Variants in SENP5 observed in about 807,000 individuals in gnomAD.
SENP5 encodes the protein sentrin-specific protease 5.
A neutral mutation model predicts 74.2 loss-of-function variants in SENP5; 21 were observed. That is an observed-to-expected ratio of 0.28 (90% confidence interval 0.20 to 0.41). The LOEUF (loss-of-function observed/expected upper bound fraction) is 0.41, where lower values mean the gene tolerates loss of function less well. SENP5 is among the 10% of genes least tolerant of loss of function. The pLI is 1.00. For missense variants in SENP5, 717 were observed against 889.1 expected, an observed-to-expected ratio of 0.81 and a Z score of 2.46; for synonymous variants, 311 against 312.7, an observed-to-expected ratio of 0.99 and a Z score of 0.06.
In SENP5 at chr3:196,931,635, TATA is replaced by T; in HGVS notation, c.*716_*718del. 4.1e-6 allele frequency: 1 copy of T among 245,592 alleles called. No homozygotes were observed. The highest frequency in any genetic ancestry group is 8.0e-6 in the Non-Finnish European group (1 of 124,560). 15.2% of individuals were successfully genotyped at this position (245,592 alleles called of 1,614,324 possible). Reference sequence around the variant, plus strand: ...AGATTTCAATCGTGGTTTTAGGAATTATAATACGTGGCATACATCTCATAAAGG... The same window carrying T: ...AGATTTCAATCGTGGTTTTAGGAATTATACGTGGCATACATCTCATAAAGG... On this transcript the variant is annotated 3_prime_UTR_variant, in exon 10 of 10. Transcript: ENST00000323460.
At chr3:196,872,601 T>C (rs1349557752) in intron 1 of SENP5, among the ~76,000 whole-genome samples, 1 of 152,194 alleles carries the variant, frequency 6.6e-6, no homozygotes, top group Non-Finnish European at 1.5e-5. Context: ...TGTTTTTACA[T>C]AGGATTGTTT....
At chr3:196,897,757 A>G (rs1171936136) in intron 2 of SENP5, among the ~76,000 whole-genome samples, 2 of 152,264 alleles carry the variant, frequency 1.3e-5, no homozygotes, top group Non-Finnish European at 2.9e-5. Flanking sequence ...CTTAACCGTC[A>G]GACTGATGGT....
At chr3:196,869,732 C>T (rs888294445) in intron 1 of SENP5, among the ~76,000 whole-genome samples, 1 of 109,144 alleles carries the variant, frequency 9.2e-6, no homozygotes, top group Non-Finnish European at 1.7e-5. Flanking sequence ...ACACTCCAGC[C>T]TGGGCAACAA....
At chr3:196,876,614 ATGTGATGG>A (rs1348099144) in intron 1 of SENP5, among the ~76,000 whole-genome samples, 2 of 151,554 alleles carry the variant, frequency 1.3e-5, no homozygotes, top group Non-Finnish European at 2.9e-5. Context: ...AGTCAGATAG[ATGTGATGG>A]CTCGTGTCTA....
intron 1 of SENP5, among the ~76,000 whole-genome samples, 175 bp downstream of exon 1, chr3:196,868,248 G>C (rs1324219190): frequency 6.6e-6 from 1 of 152,242 alleles, no homozygotes; most frequent in Non-Finnish European, 1.5e-5. Flanking sequence ...CCCTTTCCGG[G>C]GGAGGCGAGC....
chr3:196,868,575 C>G (rs140115953), intron 1 of SENP5, among the ~76,000 whole-genome samples: 1 of 152,228 alleles, frequency 6.6e-6, no homozygotes, highest in African/African-American at 2.4e-5. Flanking sequence ...TCAGCCTCCG[C>G]TCTACGCCCT....
intron 1 of SENP5, among the ~76,000 whole-genome samples, chr3:196,868,461 C>T (rs888077135): frequency 6.6e-6 from 1 of 152,262 alleles, no homozygotes; most frequent in African/African-American, 2.4e-5. Context: ...TCCTTCCGGC[C>T]TTCGTTTCTT....
At position 196,885,384 on chromosome 3, in the gene SENP5, A is replaced by G; in HGVS notation, c.203A>G (p.Lys68Arg). 6.2e-7 allele frequency: 1 copy of G among 1,614,216 alleles called. No individual in the cohort carries two copies. Among genetic ancestry groups the G allele is most frequent in the African/African-American group, 1.3e-5 (1 of 75,068 alleles). Residue 68 changes from lysine (K) to arginine (R), a missense_variant, in exon 2 of 10, where the codon AAA (lysine) becomes AGA (arginine). Physicochemically the swap from Lys to Arg is conservative, Grantham distance 26. Around this residue, in one of 4 missense-constraint regions of SENP5, gnomAD observed 567 missense variants for 577.4 expected, o/e 0.98. Coordinates refer to ENST00000323460, the MANE Select transcript of SENP5 (RefSeq NM_152699.5). ...AGAAAGAAAGCTCTTCAAATCCAGAAAACGTGGATCAAGGATGAACCCCTT... is the reference window on the plus strand; with the variant it reads ...AGAAAGAAAGCTCTTCAAATCCAGAGAACGTGGATCAAGGATGAACCCCTT... Reference protein sequence around the residue: ...QGRKKALQIQKTWIKDEPLCA... With the variant: ...QGRKKALQIQRTWIKDEPLCA...
At chr3:196,921,092 T>G (rs1356061981) in intron 6 of SENP5, among the ~76,000 whole-genome samples, 2 of 152,220 alleles carry the variant, frequency 1.3e-5, no homozygotes, top group Non-Finnish European at 2.9e-5. Context: ...GGACTAGAAG[T>G]GTTTTGAACT....
At chr3:196,930,749 C>A in intron 9 of SENP5, 64 bp from the exon 10 acceptor site, 3 of 1,040,508 alleles carry the variant, frequency 2.9e-6, no homozygotes, top group Non-Finnish European at 4.6e-6. Flanking sequence ...TTTAGTAAAA[C>A]AGAATGGGCT....
chr3:196,881,163 G>T (rs1713711784), intron 1 of SENP5, among the ~76,000 whole-genome samples: 1 of 151,808 alleles, frequency 6.6e-6, no homozygotes, highest in South Asian at 2.1e-4. Context: ...GCCCAGAGTG[G>T]TCTCAAACTC....
chr3:196,875,482 G>T (rs1230290855), intron 1 of SENP5, among the ~76,000 whole-genome samples: 1 of 152,018 alleles, frequency 6.6e-6, no homozygotes, highest in East Asian at 1.9e-4. Flanking sequence ...TATGTTAAGT[G>T]TCAGCATCGT....
At chr3:196,909,945 AAGAG>A (rs1282932140) in intron 6 of SENP5, among the ~76,000 whole-genome samples, 1 of 151,054 alleles carries the variant, frequency 6.6e-6, no homozygotes, top group Non-Finnish European at 1.5e-5. Context: ...TTCAGATAGA[AAGAG>A]AGGAAGTCAA....
intron 6 of SENP5, among the ~76,000 whole-genome samples, chr3:196,918,160 A>G (rs1274581061): frequency 6.7e-5 from 10 of 148,878 alleles, no homozygotes; most frequent in Admixed American, 4.0e-4. Context: ...CAAAAAAATT[A>G]GCCGGGCGCG....
At position 196,889,309 on chromosome 3, in the gene SENP5, A is replaced by G. The variant is rs548439405; in HGVS notation, c.1513+2615A>G. Among the ~76,000 whole-genome samples, 279 of 152,218 alleles carry G rather than the reference A, an allele frequency of 1.8e-3. 1 individual carries two copies. Among genetic ancestry groups the G allele is most frequent in the African/African-American group, 5.5e-3 (229 of 41,534 alleles). ...TTACACCTGAAAAGAATTAGCATTT[A>G]CCCACAAATGCCAGTTAACCTTTAT... On this transcript the variant is annotated intron_variant, in intron 2 of 9. Coordinates refer to ENST00000323460, the MANE Select transcript of SENP5 (RefSeq NM_152699.5).
At chr3:196,927,593 G>A (rs762656195) in intron 7 of SENP5, among the ~76,000 whole-genome samples, 9 of 149,198 alleles carry the variant, frequency 6.0e-5, no homozygotes, top group Non-Finnish European at 1.0e-4. Flanking sequence ...CTATGATCAC[G>A]CCATTGTACT....
intron 7 of SENP5, among the ~76,000 whole-genome samples, chr3:196,924,679 A>T (rs1192407128): frequency 6.6e-6 from 1 of 152,198 alleles, no homozygotes; most frequent in Non-Finnish European, 1.5e-5. Flanking sequence ...CATCAGTTCT[A>T]AGTGCTTTGT....
chr3:196,930,148 A>G (rs1715983315), intron 9 of SENP5, among the ~76,000 whole-genome samples: 1 of 152,200 alleles, frequency 6.6e-6, no homozygotes, highest in Admixed American at 6.5e-5. Flanking sequence ...ACATATATTT[A>G]TGTTGGAAAT....
chr3:196,923,087 TA>T (rs1715688544), intron 6 of SENP5, among the ~76,000 whole-genome samples: 1 of 152,172 alleles, frequency 6.6e-6, no homozygotes, highest in African/African-American at 2.4e-5. Flanking sequence ...GATTCCTTTC[TA>T]AACAAGAGTT....
Sources: gnomAD v4.1 joint callset for allele counts (sites outside exome capture counted in the v4.1 genomes callset) on GRCh38, gnomAD v4.1.1 for gene constraint, gnomAD v4.1.1 regional missense constraint, MANE v1.5 for transcripts, NCBI Gene and HGNC (gene_info 2026-07-23, HGNC 2026-07-21) for gene names.